Variants in ABTB2 observed in about 807,000 individuals in gnomAD.
ABTB2 encodes the protein ankyrin repeat and BTB/POZ domain-containing protein 2.
A neutral mutation model predicts 104.1 loss-of-function variants in ABTB2; 56 were observed. That is an observed-to-expected ratio of 0.54 (90% CI 0.43 to 0.67). ABTB2 has a LOEUF of 0.67. ABTB2 is among the 30% of genes least tolerant of loss of function. The pLI, the probability that ABTB2 is intolerant of heterozygous loss-of-function variation, is 0.00. For missense variants in ABTB2, 1,279 were observed against 1,407.7 expected, an observed-to-expected ratio of 0.91 and a Z score of 1.46; for synonymous variants, 606 against 608.2, an observed-to-expected ratio of 1.00 and a Z score of 0.05.
At chr11:34,249,373 C>T (rs1039740615) in intron 1 of ABTB2, among the ~76,000 whole-genome samples, 2 of 152,208 alleles carry the variant, frequency 1.3e-5, no homozygotes, top group African/African-American at 4.8e-5. Context: ...ATAATAGCTT[C>T]ACATAAAAAT....
At chr11:34,176,785 G>A (rs1338395361) in intron 3 of ABTB2, among the ~76,000 whole-genome samples, 1 of 152,208 alleles carries the variant, frequency 6.6e-6, no homozygotes, top group Non-Finnish European at 1.5e-5. Flanking sequence ...AAAGAATGGT[G>A]TATAATTTTC....
chr11:34,156,592 C>T (rs1450221337), intron 14 of ABTB2, among the ~76,000 whole-genome samples: 5 of 151,458 alleles, frequency 3.3e-5, no homozygotes, highest in South Asian at 2.1e-4. Flanking sequence ...GGCGCAATCT[C>T]GGCTCACCGC....
chr11:34,179,120 G>A (rs1344031786), intron 3 of ABTB2, among the ~76,000 whole-genome samples: 2 of 150,698 alleles, frequency 1.3e-5, no homozygotes. Flanking sequence ...ACCTCAAAGA[G>A]CTTTTGTTTA....
At chr11:34,167,460 C>T (rs547097096) in intron 6 of ABTB2, 100 bp from the exon 7 acceptor site, 9 of 951,708 alleles carry the variant, frequency 9.5e-6, no homozygotes, top group Admixed American at 4.7e-5. Flanking sequence ...TTTCTACATT[C>T]GATTGATAAT....
At chr11:34,246,941 G>A (rs887252299) in intron 1 of ABTB2, among the ~76,000 whole-genome samples, 18 of 149,894 alleles carry the variant, frequency 1.2e-4, no homozygotes, top group East Asian at 2.0e-4. Context: ...TCTGTCTTCC[G>A]GGTTCAAGCA....
Position 34,357,801 on chromosome 11 carries a change from C to T in ABTB2, c.-218G>A, listed in dbSNP as rs914007628. ...CCCACGCTCCCGGCGTCCCGACTCGCAGCTGCCACTGGAAAGAACCCCGTC... is the reference window on the plus strand; with the variant it reads ...CCCACGCTCCCGGCGTCCCGACTCGTAGCTGCCACTGGAAAGAACCCCGTC... On this transcript the variant is annotated 5_prime_UTR_variant, in exon 1 of 17. Coordinates refer to ENST00000435224, the MANE Select transcript of ABTB2 (RefSeq NM_145804.3). 1.3e-5 allele frequency: 7 copies of T among 525,562 alleles called. No individual in the cohort carries two copies. Among genetic ancestry groups the T allele is most frequent in the Non-Finnish European group, 2.3e-5 (7 of 303,716 alleles). The allele number at this position is 525,562 out of a possible 1,614,324, so 32.6% of individuals were successfully genotyped here.
chr11:34,173,073 C>T, intron 4 of ABTB2, 82 bp downstream of exon 4: 3 of 1,570,494 alleles, frequency 1.9e-6, no homozygotes, highest in Non-Finnish European at 2.6e-6. Context: ...CCCGCCCAGC[C>T]ATCTGGGGAA....
At chr11:34,251,565 G>A (rs1854057779) in intron 1 of ABTB2, among the ~76,000 whole-genome samples, 1 of 152,180 alleles carries the variant, frequency 6.6e-6, no homozygotes, top group African/African-American at 2.4e-5. Context: ...GGGGGAAGCC[G>A]CGCACTCTCT....
intron 2 of ABTB2, among the ~76,000 whole-genome samples, chr11:34,202,081 GA>G (rs1853347916): frequency 6.6e-6 from 1 of 152,186 alleles, no homozygotes; most frequent in African/African-American, 2.4e-5. Context: ...CCAATCTCAG[GA>G]AGCTGACTCT....
At position 34,236,638 on chromosome 11, in the gene ABTB2, C is replaced by G. The variant is rs74346339; in HGVS notation, c.884-31948G>C. On this transcript the variant is annotated intron_variant, in intron 1 of 16. Transcript: ENST00000435224. ...TCCGGGAGGCCTCAGGGCCCAAGGC[C>G]AGGCCTTGATCTCCTGGGGAAGCAG... is the stretch of plus-strand genomic sequence containing the variant. Among the ~76,000 whole-genome samples, 6 of 152,330 alleles carry G rather than the reference C, an allele frequency of 3.9e-5. No individual in the cohort carries two copies. The East Asian group carries it at 1.2e-3, about 29-fold the overall frequency.
chr11:34,254,921 C>T (rs1249456990), intron 1 of ABTB2, among the ~76,000 whole-genome samples: 1 of 152,136 alleles, frequency 6.6e-6, no homozygotes, highest in Non-Finnish European at 1.5e-5. Context: ...GATCTGCCAG[C>T]CTCACACCTC....
At chr11:34,159,454 C>A in intron 13 of ABTB2, 68 bp from the exon 14 acceptor site, 1 of 969,328 alleles carries the variant, frequency 1.0e-6, no homozygotes, top group Non-Finnish European at 1.7e-6. Context: ...GGCGATGGCA[C>A]CATCTGTCAC....
At chr11:34,280,341 C>T (rs1321327468) in intron 1 of ABTB2, among the ~76,000 whole-genome samples, 2 of 152,114 alleles carry the variant, frequency 1.3e-5, no homozygotes, top group African/African-American at 2.4e-5. Flanking sequence ...CTGCTACCAG[C>T]CTGCTGGGCT....
chr11:34,301,663 C>G (rs143814900), intron 1 of ABTB2, among the ~76,000 whole-genome samples: 2 of 152,174 alleles, frequency 1.3e-5, no homozygotes, highest in Non-Finnish European at 2.9e-5. Flanking sequence ...CCTCTTGCTA[C>G]GGGAGGCTTA....
chr11:34,296,371 A>T (rs2133095824), intron 1 of ABTB2, among the ~76,000 whole-genome samples: 1 of 152,280 alleles, frequency 6.6e-6, no homozygotes, highest in Middle Eastern at 3.4e-3. Flanking sequence ...GGAAGATCCT[A>T]CTAGAGTGTT....
chr11:34,167,666 A>T (rs1262150815), intron 6 of ABTB2, among the ~76,000 whole-genome samples: 1 of 152,218 alleles, frequency 6.6e-6, no homozygotes, highest in Non-Finnish European at 1.5e-5. Context: ...ATGAAAACAG[A>T]ATCACAGCCC....
rs1852691879 is a variant in ABTB2 at position 34,160,279 on chromosome 11, T to C, written c.2472A>G (p.Pro824=). ...TGGCCGGCAGGGTCTTCCGGATCTC[T>C]GGGATGCTGGGGATGGGACTGCTGC... ...CYGSSPIPSI[P]EIRKTLPARL... Residue 824 remains proline, a synonymous_variant, in exon 12 of 17, where the codon CCA becomes CCG. Transcript: ENST00000435224. 1.9e-6 allele frequency: 3 copies of C among 1,613,942 alleles called. No homozygotes were observed. In the South Asian group the frequency reaches 3.3e-5, roughly 18 times the overall value.
rs1852814013 is a variant in ABTB2, at chr11:34,167,310, G to A, written c.1704C>T (p.His568=). 6.2e-7 allele frequency: 1 copy of A among 1,613,626 alleles called. No individual in the cohort carries two copies. Among genetic ancestry groups the A allele is most frequent in the East Asian group, 2.2e-5 (1 of 44,876 alleles). The change falls in exon 7 of 17, where the codon CAC becomes CAT. Residue 568 remains histidine, a synonymous_variant. Coordinates refer to ENST00000435224, the MANE Select transcript of ABTB2 (RefSeq NM_145804.3). ...RHPSIHPDSR[H]WTSLTFAVLH... ...GCACAGCGAATGTCAGTGAGGTCCA[G>A]TGCCGGCTGTCGGGGTGGATGGAAG...
At chr11:34,201,282 T>C (rs1012932985) in intron 2 of ABTB2, among the ~76,000 whole-genome samples, 4 of 152,018 alleles carry the variant, frequency 2.6e-5, no homozygotes, top group East Asian at 1.9e-4. Context: ...TTGTTAACCA[T>C]GAAAGACTTG....
Sources: allele counts gnomAD v4.1 joint callset (sites outside exome capture counted in the v4.1 genomes callset), GRCh38; gene constraint gnomAD v4.1.1; transcripts MANE v1.5; gene names NCBI Gene and HGNC (gene_info 2026-07-23, HGNC 2026-07-21).